Variants in SLC22A12 observed in about 807,000 individuals in gnomAD.
The protein encoded by SLC22A12 is organic anion transporter 4-like protein.
Under a neutral mutation model 52.7 loss-of-function variants are expected in SLC22A12, and 56 were observed. The observed-to-expected ratio is 1.06, with a 90% confidence interval of 0.86 to 1.33. The LOEUF is 1.33. SLC22A12 is among the 40% of genes most tolerant of loss of function. SLC22A12 has a pLI of 0.00. For missense variants in SLC22A12, 683 were observed against 741.5 expected, an observed-to-expected ratio of 0.92 and a Z score of 0.92; for synonymous variants, 337 against 324.6, an observed-to-expected ratio of 1.04 and a Z score of -0.41.
chr11:64,600,591 T>G, intron 8 of SLC22A12, 116 bp downstream of exon 8: 1 of 1,379,786 alleles, frequency 7.2e-7, no homozygotes, highest in Non-Finnish European at 1.0e-6. Flanking sequence ...CTCCCTCTTG[T>G]GTGGTCCCCG....
Position 64,591,790 on chromosome 11 carries a change from G to A in SLC22A12, c.234G>A (p.Pro78=), listed in dbSNP as rs377022807. 2.9e-5 allele frequency: 46 copies of A among 1,612,256 alleles called. No homozygotes were observed. Among genetic ancestry groups the A allele is most frequent in the East Asian group, 1.1e-4 (5 of 44,876 alleles). Residue 78 remains proline (P), a synonymous_variant, in exon 1 of 10, where the codon CCG becomes CCA. Coordinates refer to ENST00000377574, the MANE Select transcript of SLC22A12 (RefSeq NM_144585.4). ...AGGCCCTCCTGGCTATTTCCATCCC[G>A]CCGGGCCCCAACCAGAGGCCCCACC... ...SPEALLAISI[P]PGPNQRPHQC...
intron 1 of SLC22A12, 45 bp from the exon 2 acceptor site, chr11:64,592,734 G>C (rs1181093196): frequency 1.3e-6 from 2 of 1,527,110 alleles, no homozygotes; most frequent in Non-Finnish European, 1.8e-6. Flanking sequence ...CTCTCTGCTG[G>C]GGCTCTCCCA....
intron 4 of SLC22A12, among the ~76,000 whole-genome samples, chr11:64,594,852 GGAAT>G (rs2039049865): frequency 6.8e-6 from 1 of 146,252 alleles, no homozygotes; most frequent in Non-Finnish European, 1.5e-5. Context: ...ATGGACAGAT[GGAAT>G]GGATGGATGG....
At chr11:64,600,648 C>G in intron 8 of SLC22A12, 87 bp from the exon 9 acceptor site, 1 of 1,582,866 alleles carries the variant, frequency 6.3e-7, no homozygotes, top group Non-Finnish European at 8.6e-7. Context: ...CCTGGGTCTC[C>G]CTGGGCCAAG....
chr11:64,595,370 G>A (rs866154376), intron 4 of SLC22A12, among the ~76,000 whole-genome samples: 13 of 43,790 alleles, frequency 3.0e-4, no homozygotes, highest in Non-Finnish European at 1.0e-3. Flanking sequence ...TGGATGGATG[G>A]ATGGATGGAT....
At chr11:64,595,209 AATAGATGGATGGATGG>A (rs2039098543) in intron 4 of SLC22A12, among the ~76,000 whole-genome samples, 1 of 28,334 alleles carries the variant, frequency 3.5e-5, no homozygotes, top group Non-Finnish European at 7.4e-5. Context: ...GGATGTTTGG[AATAGATGGATGGATGG>A]ATGGATGGAT....
intron 4 of SLC22A12, 70 bp downstream of exon 4, chr11:64,593,873 C>T (rs921730099): frequency 5.9e-5 from 91 of 1,553,362 alleles, no homozygotes; most frequent in Non-Finnish European, 7.6e-5. Flanking sequence ...GAATGGGAGA[C>T]TCTCCTTTCC....
At chr11:64,600,683 C>G in intron 8 of SLC22A12, 52 bp from the exon 9 acceptor site, 3 of 1,599,902 alleles carry the variant, frequency 1.9e-6, no homozygotes, top group South Asian at 1.1e-5. Context: ...CGTGCAGGAT[C>G]AAGGCTGTGG....
Position 64,593,715 on chromosome 11 carries a change from A to T in SLC22A12, c.742A>T (p.Thr248Ser), listed in dbSNP as rs1260750022. Residue 248 changes from threonine (T) to serine (S), a missense_variant, in exon 4 of 10, where the codon ACA (threonine) becomes TCA (serine). Thr to Ser is a moderately conservative substitution (Grantham distance 58). Coordinates refer to ENST00000377574, the MANE Select transcript of SLC22A12 (RefSeq NM_144585.4). ...SLGFSFGHGL[T>S]AAVAYGVRDW... ...GGGCTTCAGCTTCGGCCATGGCCTG[A>T]CAGCTGCAGTGGCCTACGGTGTGCG... is the stretch of plus-strand genomic sequence containing the variant. The T allele has an allele frequency of 6.2e-7, 1 of 1,613,974 alleles. No homozygotes were observed. The highest frequency in any genetic ancestry group is 8.5e-7 in the Non-Finnish European group (1 of 1,180,020).
chr11:64,598,971 G>A (rs747549898), intron 6 of SLC22A12, 48 bp downstream of exon 6: 104 of 1,601,080 alleles, frequency 6.5e-5, no homozygotes, highest in Middle Eastern at 3.6e-4. Context: ...ACCTGGAATC[G>A]GGGCTCTCGC....
chr11:64,597,960 G>A (rs1257234703), intron 4 of SLC22A12, among the ~76,000 whole-genome samples: 4 of 152,156 alleles, frequency 2.6e-5, no homozygotes, highest in Admixed American at 6.5e-5. Context: ...GCCAGAGGGC[G>A]CTGGTGCTGT....
In SLC22A12 at chr11:64,600,393, G is replaced by T; in HGVS notation, c.1312G>T (p.Ala438Ser). ...HEMGALRSAL[A>S]VLGLGGVGAA... ...AATGGGGGCTCTGCGCTCAGCCTTG[G>T]CCGTGCTGGGGCTGGGCGGGGTGGG... The change falls in exon 8 of 10, where the codon GCC becomes TCC. Residue 438 changes from alanine to serine, a missense_variant. Physicochemically the swap from Ala to Ser is moderately conservative, Grantham distance 99. Transcript: ENST00000377574. 1 of 1,607,238 alleles carries T rather than the reference G, an allele frequency of 6.2e-7. No individual in the cohort carries two copies.
chr11:64,602,303 G>C lies in SLC22A12; in HGVS notation c.*752G>C, dbSNP rs533713848. 1 of 154,514 alleles carries C rather than the reference G, an allele frequency of 6.5e-6. No homozygotes were observed. The highest frequency in any genetic ancestry group is 2.4e-5 in the African/African-American group (1 of 41,598). 9.6% of individuals were successfully genotyped at this position (154,514 alleles called of 1,614,324 possible). ...CAGCTCCCCACACAGCGCTGGGCCA[G>C]AGAGGCATTGGTGCGAGGGATTGAA... On this transcript the variant is annotated 3_prime_UTR_variant, in exon 10 of 10. Coordinates refer to ENST00000377574, the MANE Select transcript of SLC22A12 (RefSeq NM_144585.4).
intron 4 of SLC22A12, among the ~76,000 whole-genome samples, chr11:64,596,092 G>T (rs933371389): frequency 6.6e-6 from 1 of 151,792 alleles, no homozygotes; most frequent in Non-Finnish European, 1.5e-5. Flanking sequence ...ATGGTTGAAT[G>T]GATGGATGGA....
chr11:64,591,939 C>T lies in SLC22A12; in HGVS notation c.383C>T (p.Thr128Ile), dbSNP rs1460085426. The change falls in exon 1 of 10, where the codon ACC (threonine) becomes ATC (isoleucine). Residue 128 changes from threonine to isoleucine, a missense_variant. Transcript: ENST00000377574. ...DGWVYDRSIF[T>I]STIVAKWNLV... is the part of the protein sequence containing the mutation. ...TGGGTCTATGACCGCAGCATCTTCA[C>T]CTCCACAATCGTGGCCAAGGTAGGG... 7.4e-6 allele frequency: 12 copies of T among 1,611,690 alleles called. No homozygotes were observed. Among genetic ancestry groups the T allele is most frequent in the Non-Finnish European group, 1.0e-5 (12 of 1,180,008 alleles).
chr11:64,597,774 C>T (rs1043069143), intron 4 of SLC22A12, among the ~76,000 whole-genome samples: 1 of 152,070 alleles, frequency 6.6e-6, no homozygotes, highest in Admixed American at 6.5e-5. Flanking sequence ...GCTCAGCAGG[C>T]GGGGCGGGAC....
In SLC22A12 at chr11:64,592,812, C is replaced by T; in HGVS notation, c.436C>T (p.Pro146Ser). ...NLVCDSHALK[P>S]MAQSIYLAGI... ...CGTGTGTGACTCTCATGCTCTGAAG[C>T]CCATGGCCCAGTCCATCTACCTGGC... The change falls in exon 2 of 10, where the codon CCC becomes TCC. Residue 146 changes from proline (P) to serine (S), a missense_variant. Coordinates refer to ENST00000377574, the MANE Select transcript of SLC22A12 (RefSeq NM_144585.4). 1 of 1,613,960 alleles carries T rather than the reference C, an allele frequency of 6.2e-7. No individual in the cohort carries two copies. The highest frequency in any genetic ancestry group is 2.2e-5 in the East Asian group (1 of 44,870).
intron 9 of SLC22A12, 141 bp from the exon 10 acceptor site, chr11:64,601,347 C>T (rs1361770517): frequency 4.9e-6 from 4 of 823,732 alleles, no homozygotes; most frequent in Non-Finnish European, 8.1e-6. Flanking sequence ...ACACCCCCAA[C>T]CCATCACATG....
intron 4 of SLC22A12, among the ~76,000 whole-genome samples, chr11:64,595,401 GGATGGATGGATGGATGTTTGGAATA>G (rs2039129432): frequency 1.8e-5 from 2 of 113,122 alleles, no homozygotes; most frequent in Non-Finnish European, 3.7e-5. Context: ...ATGGACGGAC[GGATGGATGGATGGATGTTTGGAATA>G]GATGGATGGA....
Sources: gnomAD v4.1 joint callset for allele counts (sites outside exome capture counted in the v4.1 genomes callset) on GRCh38, gnomAD v4.1.1 for gene constraint, MANE v1.5 for transcripts, NCBI Gene and HGNC (gene_info 2026-07-23, HGNC 2026-07-21) for gene names.